The following CFAP53 variants were observed in gnomAD, a reference collection of about 807,000 sequenced individuals.
CFAP53 encodes the protein cilia and flagella associated protein 53, also known as cilia- and flagella-associated protein 53.
A neutral mutation model predicts 59.7 loss-of-function variants in CFAP53; 62 were observed. That is an observed-to-expected ratio of 1.04 (90% CI 0.85 to 1.28). The LOEUF (loss-of-function observed/expected upper bound fraction) is 1.28, where lower values mean the gene tolerates loss of function less well. Ranked by LOEUF, CFAP53 falls within the 50% of genes most tolerant of loss-of-function variation. The pLI is 0.00. For synonymous variants in CFAP53, 218 were observed against 205.7 expected (o/e 1.06, Z -0.51); for missense variants, 629 against 615.6 (o/e 1.02, Z -0.23).
At chr18:50,255,883 G>C (rs116126149) in intron 3 of CFAP53, among the ~76,000 whole-genome samples, 3,365 of 149,542 alleles carry the variant, frequency 0.023, 126 homozygotes, top group African/African-American at 0.078. Context: ...AAAAAAAAGA[G>C]GAAAATTTTC....
intron 5 of CFAP53, among the ~76,000 whole-genome samples, chr18:50,246,096 G>A (rs903893327): frequency 1.3e-5 from 2 of 152,154 alleles, no homozygotes; most frequent in African/African-American, 4.8e-5. Flanking sequence ...CACCATGTTG[G>A]TCAGGCTGGT....
intron 6 of CFAP53, among the ~76,000 whole-genome samples, chr18:50,242,367 T>G (rs942106765): frequency 1.3e-5 from 2 of 152,194 alleles, no homozygotes; most frequent in Admixed American, 6.5e-5. Flanking sequence ...TTTTGAGAAC[T>G]AATAAATGTC....
In CFAP53 at chr18:50,250,814, C is replaced by A; in HGVS notation, c.940G>T (p.Val314Leu). Reference sequence around the variant, plus strand: ...TGTAAGTCTTGAAGGGCCCTTTGCACGAGCTTCATGTTCAAGTCCTGTTCG... The same window carrying A: ...TGTAAGTCTTGAAGGGCCCTTTGCAAGAGCTTCATGTTCAAGTCCTGTTCG... ...RDEQDLNMKL[V>L]QRALQDLQEE... The change falls in exon 5 of 8, where the codon GTG becomes TTG. Residue 314 changes from valine (V) to leucine (L), a missense_variant. By Grantham distance (32) the Val-to-Leu change is conservative. Coordinates refer to ENST00000398545, the MANE Select transcript of CFAP53 (RefSeq NM_145020.5). 3 of 1,614,158 alleles carry A rather than the reference C, an allele frequency of 1.9e-6. No individual in the cohort carries two copies. The highest frequency in any genetic ancestry group is 2.5e-6 in the Non-Finnish European group (3 of 1,180,034).
At chr18:50,245,134 G>A (rs896072382) in intron 5 of CFAP53, among the ~76,000 whole-genome samples, 1 of 149,984 alleles carries the variant, frequency 6.7e-6, no homozygotes, top group Non-Finnish European at 1.5e-5. Flanking sequence ...TGTAATCCCA[G>A]CACTTTGGGA....
chr18:50,238,608 A>C lies in CFAP53; in HGVS notation c.1311T>G (p.Phe437Leu). The C allele has an allele frequency of 6.2e-7, 1 of 1,606,568 alleles. No individual in the cohort carries two copies. The highest frequency in any genetic ancestry group is 8.5e-7 in the Non-Finnish European group (1 of 1,176,282). Residue 437 changes from phenylalanine (F) to leucine (L), a missense_variant, in exon 7 of 8, where the codon TTT becomes TTG. Coordinates refer to ENST00000398545, the MANE Select transcript of CFAP53 (RefSeq NM_145020.5). ...KELNCEEKEN[F>L]ARRQRLAQEY... is the part of the protein sequence containing the mutation. ...TACAGAAAACAAAATCATACCTTGC[A>C]AAATTCTCCTTCTCTTCACAGTTAA...
intron 3 of CFAP53, 61 bp from the exon 4 acceptor site, chr18:50,251,845 G>A: frequency 7.3e-7 from 1 of 1,376,836 alleles, no homozygotes; most frequent in South Asian, 1.3e-5. Context: ...CTCTATTGAG[G>A]CACACATCTG....
chr18:50,230,609 C>A (rs1186357841), intron 7 of CFAP53, among the ~76,000 whole-genome samples: 1 of 152,122 alleles, frequency 6.6e-6, no homozygotes, highest in Non-Finnish European at 1.5e-5. Flanking sequence ...TCGTGGGAAC[C>A]CCCAATTTAT....
At chr18:50,238,253 G>A (rs545023550) in intron 7 of CFAP53, among the ~76,000 whole-genome samples, 1 of 152,200 alleles carries the variant, frequency 6.6e-6, no homozygotes, top group East Asian at 1.9e-4. Flanking sequence ...TTGAAAATCT[G>A]TTTTAGTTTT....
chr18:50,232,267 C>A (rs142610208), intron 7 of CFAP53, among the ~76,000 whole-genome samples: 3 of 152,164 alleles, frequency 2.0e-5, no homozygotes, highest in African/African-American at 7.2e-5. Context: ...ACTCTCAAAC[C>A]CTCAAAAAGA....
intron 7 of CFAP53, among the ~76,000 whole-genome samples, chr18:50,235,857 G>C (rs572759850): frequency 6.6e-6 from 1 of 152,140 alleles, no homozygotes; most frequent in Non-Finnish European, 1.5e-5. Context: ...ATCCTAGGTC[G>C]GGCAAACTAT....
At chr18:50,250,219 C>CAAAA (rs58912526) in intron 5 of CFAP53, among the ~76,000 whole-genome samples, 1 of 117,628 alleles carries the variant, frequency 8.5e-6, no homozygotes, top group African/African-American at 3.2e-5. Context: ...ACCCCTGTCT[C>CAAAA]AAAAAAAAAA....
chr18:50,236,797 T>C (rs1410790568), intron 7 of CFAP53, among the ~76,000 whole-genome samples: 1 of 152,220 alleles, frequency 6.6e-6, no homozygotes, highest in Non-Finnish European at 1.5e-5. Context: ...GAGCAAGAAC[T>C]ACCTAGGTGA....
At chr18:50,241,612 C>T (rs770081014) in intron 6 of CFAP53, among the ~76,000 whole-genome samples, 3 of 152,084 alleles carry the variant, frequency 2.0e-5, no homozygotes, top group Non-Finnish European at 4.4e-5. Flanking sequence ...ATAGCTGGGC[C>T]TCTGGGATGT....
intron 3 of CFAP53, among the ~76,000 whole-genome samples, chr18:50,259,095 G>T (rs74753737): frequency 6.6e-6 from 1 of 152,196 alleles, no homozygotes. Context: ...CAATCCCACT[G>T]CTGAGTATAG....
chr18:50,263,359 A>C (rs2033912320), intron 1 of CFAP53, among the ~76,000 whole-genome samples: 1 of 152,210 alleles, frequency 6.6e-6, no homozygotes, highest in East Asian at 1.9e-4. Context: ...CACCATCAGG[A>C]TTACCAGAAT....
intron 7 of CFAP53, among the ~76,000 whole-genome samples, chr18:50,237,304 CAAAAAAAAAAAAA>C (rs143356494): frequency 5.4e-4 from 5 of 9,342 alleles, no homozygotes; most frequent in Non-Finnish European, 2.6e-4. Flanking sequence ...GACTCCATCT[CAAAAAAAAAAAAA>C]AAAAAAAAAA....
intron 6 of CFAP53, among the ~76,000 whole-genome samples, chr18:50,242,691 A>G (rs1168217642): frequency 6.6e-6 from 1 of 152,190 alleles, no homozygotes; most frequent in African/African-American, 2.4e-5. Flanking sequence ...TTTAACCTTG[A>G]GAACTTCTCC....
intron 7 of CFAP53, among the ~76,000 whole-genome samples, chr18:50,232,129 G>C (rs76764599): frequency 0.02 from 3,042 of 152,304 alleles, 61 homozygotes; most frequent in East Asian, 0.075. Flanking sequence ...CTGAGAGAAA[G>C]TGCAGTTTGT....
chr18:50,266,010 G>T (rs761247680), intron 1 of CFAP53, among the ~76,000 whole-genome samples: 4 of 152,170 alleles, frequency 2.6e-5, no homozygotes, highest in Non-Finnish European at 4.4e-5. Context: ...CACTGCATGG[G>T]GGACAGACAT....
Sources: allele counts gnomAD v4.1 joint callset (sites outside exome capture counted in the v4.1 genomes callset), GRCh38; gene constraint gnomAD v4.1.1; transcripts MANE v1.5; gene names NCBI Gene and HGNC (gene_info 2026-07-23, HGNC 2026-07-21).